ATP8B4: variants seen among roughly 807,000 people sequenced by gnomAD.
ATP8B4 encodes probable phospholipid-transporting ATPase IM.
A neutral mutation model predicts 145.6 loss-of-function variants in ATP8B4; 133 were observed. The observed-to-expected ratio is 0.91, with a 90% CI of 0.79 to 1.05. The LOEUF (loss-of-function observed/expected upper bound fraction) is 1.05. ATP8B4 is among the 50% of genes least tolerant of loss of function. ATP8B4 has a pLI of 0.00. For synonymous variants in ATP8B4, 507 were observed against 492.9 expected, an observed-to-expected ratio of 1.03 and a Z score of -0.38; for missense variants, 1,458 against 1,425.2, an observed-to-expected ratio of 1.02 and a Z score of -0.37.
At chr15:50,055,364 A>G (rs945395271) in intron 3 of ATP8B4, among the ~76,000 whole-genome samples, 2 of 152,200 alleles carry the variant, frequency 1.3e-5, no homozygotes, top group Non-Finnish European at 2.9e-5. Context: ...TTCATAATAT[A>G]TGCAAGATCA....
rs145052360 is a variant in ATP8B4, at chr15:50,130,425, C to T, written c.-42-23417G>A. 3.3e-3 allele frequency among the ~76,000 whole-genome samples: 504 copies of T among 152,242 alleles called. 1 individual carries two copies. The highest frequency in any genetic ancestry group is 0.012 in the African/African-American group (483 of 41,540). On this transcript the variant is annotated intron_variant, in intron 1 of 3. Coordinates refer to the ATP8B4 transcript ENST00000558829. ...AGATTACCCAGGCTCTGGTGAGTAA[C>T]TGAGTATTCTTATATAAGTCACTCA... is the stretch of plus-strand genomic sequence containing the variant.
chr15:49,898,359 C>T lies in ATP8B4; in HGVS notation c.2290-108G>A. 4 of 1,160,038 alleles carry T rather than the reference C, an allele frequency of 3.4e-6. No individual in the cohort carries two copies. In the Admixed American group the frequency reaches 1.0e-4, roughly 29 times the overall value. The allele number at this position is 1,160,038 out of a possible 1,614,324, so 71.9% of individuals were successfully genotyped here. ...AAAACCATTTCATTTGTTTGCTAAA[C>T]CATTTCATTCACTCCAAAAAGTCAT... On this transcript the variant is annotated intron_variant, in intron 21 of 27. Coordinates refer to ENST00000284509, the MANE Select transcript of ATP8B4 (RefSeq NM_024837.4).
At chr15:49,918,356 T>C (rs2039945871) in intron 19 of ATP8B4, among the ~76,000 whole-genome samples, 1 of 152,188 alleles carries the variant, frequency 6.6e-6, no homozygotes, top group African/African-American at 2.4e-5. Context: ...AATATTTCTA[T>C]AAATGGTTGA....
intron 10 of ATP8B4, 102 bp from the exon 11 acceptor site, chr15:49,981,396 T>C (rs934208751): frequency 2.2e-6 from 2 of 913,420 alleles, no homozygotes; most frequent in Non-Finnish European, 3.2e-6. Context: ...TATATATTTT[T>C]CACAATAATT....
chr15:50,053,333 C>G (rs551051730), intron 3 of ATP8B4, among the ~76,000 whole-genome samples: 1 of 152,216 alleles, frequency 6.6e-6, no homozygotes, highest in Non-Finnish European at 1.5e-5. Flanking sequence ...AATAGACATT[C>G]TGCTCCAGAG....
intron 9 of ATP8B4, among the ~76,000 whole-genome samples, chr15:49,993,753 T>TA (rs2047211888): frequency 6.6e-6 from 1 of 152,150 alleles, no homozygotes; most frequent in Non-Finnish European, 1.5e-5. Flanking sequence ...CCCAAGATTT[T>TA]AAAATGAAAA....
At chr15:49,932,048 ATAT>A (rs780418813) in intron 15 of ATP8B4, among the ~76,000 whole-genome samples, 3 of 150,138 alleles carry the variant, frequency 2.0e-5, no homozygotes, top group South Asian at 2.1e-4. Flanking sequence ...ATATAAAATT[ATAT>A]TATATTTATA....
At chr15:49,929,934 G>C (rs980764854) in intron 16 of ATP8B4, among the ~76,000 whole-genome samples, 1 of 152,044 alleles carries the variant, frequency 6.6e-6, no homozygotes, top group Admixed American at 6.6e-5. Flanking sequence ...ACCCTAATGG[G>C]ATGAAAAGAG....
intron 1 of ATP8B4, among the ~76,000 whole-genome samples, chr15:50,141,035 C>G (rs2044200704): frequency 6.6e-6 from 1 of 151,974 alleles, no homozygotes; most frequent in Admixed American, 6.6e-5. Context: ...TCAGAGATCC[C>G]CACCCCAATA....
intron 3 of ATP8B4, among the ~76,000 whole-genome samples, chr15:50,058,868 G>T (rs2052800847): frequency 6.6e-6 from 1 of 151,004 alleles, no homozygotes. Flanking sequence ...AGTGGCTTTT[G>T]TTTGGGAGTA....
chr15:49,985,366 G>T (rs1254656352), intron 10 of ATP8B4, among the ~76,000 whole-genome samples: 1 of 152,138 alleles, frequency 6.6e-6, no homozygotes, highest in Non-Finnish European at 1.5e-5. Context: ...AAAGTGCTGG[G>T]ATTACAGGCG....
At chr15:50,024,008 T>A (rs1163890299) in intron 6 of ATP8B4, among the ~76,000 whole-genome samples, 1 of 152,114 alleles carries the variant, frequency 6.6e-6, no homozygotes, top group East Asian at 1.9e-4. Context: ...ACTGGAAAAT[T>A]AGGTTCTATT....
intron 20 of ATP8B4, among the ~76,000 whole-genome samples, chr15:49,915,898 T>C (rs1435625565): frequency 2.0e-5 from 3 of 151,308 alleles, no homozygotes; most frequent in African/African-American, 4.9e-5. Context: ...ACAAGTACCA[T>C]CAAGTAGTGG....
rs545942640 is a variant in ATP8B4 at position 50,038,887 on chromosome 15, T to C, written c.301-58A>G. On this transcript the variant is annotated intron_variant, in intron 5 of 27. Transcript: ENST00000284509. ...TTACAAGGTACTTTGTCAGCCCAAATAAGCACACTGGCAATACTTTGAGTT... is the reference window on the plus strand; with the variant it reads ...TTACAAGGTACTTTGTCAGCCCAAACAAGCACACTGGCAATACTTTGAGTT... 29 of 1,426,138 alleles carry C rather than the reference T, an allele frequency of 2.0e-5. No homozygotes were observed. The African/African-American group carries it at 3.2e-4, about 16-fold the overall frequency. The allele number at this position is 1,426,138 out of a possible 1,614,324, so 88.3% of individuals were successfully genotyped here.
intron 12 of ATP8B4, among the ~76,000 whole-genome samples, chr15:49,974,411 T>TC (rs397767773): frequency 6.6e-6 from 1 of 151,270 alleles, no homozygotes; most frequent in East Asian, 1.9e-4. Context: ...TTTTTTTTTT[T>TC]AGAGACAGGG....
In ATP8B4 at chr15:50,073,017, TATACACACACACAC is replaced by T. The variant is rs1160162162; in HGVS notation, c.87+1096_87+1109del. ...ATATATATATATATATATATATATA[TATACACACACACAC>T]ACACACACACACACACACACACTAT... is the stretch of plus-strand genomic sequence containing the variant. On this transcript the variant is annotated intron_variant, in intron 3 of 27. Transcript: ENST00000284509. 3.2e-3 allele frequency among the ~76,000 whole-genome samples: 102 copies of T among 31,622 alleles called. 1 individual carries two copies. Among genetic ancestry groups the T allele is most frequent in the African/African-American group, 0.015 (98 of 6,660 alleles). The allele number at this position is 31,622 out of a possible 152,430, so 20.7% of individuals were successfully genotyped here.
At chr15:50,052,166 T>C (rs990560000) in intron 3 of ATP8B4, among the ~76,000 whole-genome samples, 2 of 152,232 alleles carry the variant, frequency 1.3e-5, no homozygotes, top group African/African-American at 4.8e-5. Flanking sequence ...TATTTAGTCA[T>C]TTCATAGGCT....
intron 25 of ATP8B4, among the ~76,000 whole-genome samples, chr15:49,870,065 G>A (rs66809683): frequency 0.19 from 28,667 of 152,110 alleles, 3,398 homozygotes; most frequent in Non-Finnish European, 0.27. Flanking sequence ...TATATGCATT[G>A]TAGCATTGCC....
chr15:50,160,060 T>C (rs1263572024), intron 1 of ATP8B4, among the ~76,000 whole-genome samples: 1 of 146,324 alleles, frequency 6.8e-6, no homozygotes, highest in East Asian at 2.0e-4. Context: ...TTTTATTATG[T>C]CTTCAATCTC....
Sources: allele counts gnomAD v4.1 joint callset (sites outside exome capture counted in the v4.1 genomes callset), GRCh38; gene constraint gnomAD v4.1.1; transcripts MANE v1.5; gene names NCBI Gene and HGNC (gene_info 2026-07-23, HGNC 2026-07-21).